The following SNX29 variants were observed in gnomAD, a reference collection of about 807,000 sequenced individuals.
SNX29 encodes the protein sorting nexin 29.
In SNX29, 78 loss-of-function variants were observed where a neutral mutation model predicts 102.1. That is an observed-to-expected ratio of 0.76 (90% CI 0.64 to 0.92). The LOEUF (loss-of-function observed/expected upper bound fraction) is 0.92, where lower values mean the gene tolerates loss of function less well. Ranked by LOEUF, SNX29 falls within the 40% of genes least tolerant of loss-of-function variation. The probability of loss-of-function intolerance (pLI) is 0.00; values close to 1 mark genes in which losing one functional copy is unlikely to be tolerated. For synonymous variants in SNX29, 580 were observed against 414.5 expected (o/e 1.40, Z -4.85); for missense variants, 1,280 against 1,061.7 (o/e 1.21, Z -2.86).
Position 12,323,639 on chromosome 16 carries a change from C to T in SNX29, c.1783-32524C>T, listed in dbSNP as rs563887095. On this transcript the variant is annotated intron_variant, in intron 15 of 20. Transcript: ENST00000566228. Reference sequence around the variant, plus strand: ...TCTGGCATCCAGCATTGTTCACTGTCGTATCCAGGCACCACAGAAAACCAT... The same window carrying T: ...TCTGGCATCCAGCATTGTTCACTGTTGTATCCAGGCACCACAGAAAACCAT... 1.9e-3 allele frequency among the ~76,000 whole-genome samples: 283 copies of T among 152,240 alleles called. 1 individual carries two copies. Among genetic ancestry groups the T allele is most frequent in the African/African-American group, 6.5e-3 (268 of 41,550 alleles).
intron 13 of SNX29, among the ~76,000 whole-genome samples, chr16:12,188,708 G>A (rs1468892750): frequency 6.6e-6 from 1 of 152,122 alleles, no homozygotes; most frequent in Non-Finnish European, 1.5e-5. Context: ...GATGGTTACG[G>A]GGGAGAGAGC....
chr16:12,124,681 G>A (rs936998774), intron 11 of SNX29, among the ~76,000 whole-genome samples: 1 of 152,152 alleles, frequency 6.6e-6, no homozygotes, highest in African/African-American at 2.4e-5. Flanking sequence ...CTTCCTAAAT[G>A]GTTCCTTGCT....
At chr16:12,408,616 T>C (rs893938821) in intron 18 of SNX29, among the ~76,000 whole-genome samples, 1 of 151,346 alleles carries the variant, frequency 6.6e-6, no homozygotes, top group African/African-American at 2.4e-5. Context: ...AGGTCAGGAG[T>C]TCAAGACCAG....
intron 15 of SNX29, among the ~76,000 whole-genome samples, chr16:12,346,329 A>G (rs1170591438): frequency 6.6e-6 from 1 of 152,130 alleles, no homozygotes; most frequent in Non-Finnish European, 1.5e-5. Context: ...GGTAATTAAC[A>G]TTTATGGAGT....
intron 15 of SNX29, among the ~76,000 whole-genome samples, chr16:12,350,702 G>A (rs182140792): frequency 1.3e-3 from 198 of 152,314 alleles, no homozygotes; most frequent in East Asian, 8.9e-3. Context: ...CCCAACTGCC[G>A]TTCAAAGCTG....
chr16:12,177,865 A>AT (rs912599367), intron 13 of SNX29, among the ~76,000 whole-genome samples: 11 of 152,176 alleles, frequency 7.2e-5, no homozygotes, highest in African/African-American at 2.7e-4. Flanking sequence ...ATCAGATGAA[A>AT]TTCCCCCTGC....
intron 16 of SNX29, among the ~76,000 whole-genome samples, chr16:12,370,644 G>T (rs968031876): frequency 6.6e-6 from 1 of 152,222 alleles, no homozygotes; most frequent in African/African-American, 2.4e-5. Context: ...GCACTGAGCA[G>T]CACCAAGGGC....
At chr16:12,549,887 A>G (rs562465242) in intron 20 of SNX29, among the ~76,000 whole-genome samples, 12 of 152,400 alleles carry the variant, frequency 7.9e-5, no homozygotes, top group African/African-American at 2.6e-4. Context: ...AGACTAGAAC[A>G]GAGATCAGAA....
chr16:12,118,313 C>CT (rs869186902), intron 11 of SNX29, among the ~76,000 whole-genome samples: 1,199 of 86,060 alleles, frequency 0.014, 86 homozygotes, highest in Non-Finnish European at 0.017. Flanking sequence ...TACAGACCAC[C>CT]TTTTTTTTTT....
chr16:12,533,975 C>T (rs1287013044), intron 20 of SNX29, among the ~76,000 whole-genome samples: 2 of 152,212 alleles, frequency 1.3e-5, no homozygotes, highest in Non-Finnish European at 2.9e-5. Context: ...CATCTGTGGG[C>T]CACATGGGGT....
At position 12,069,112 on chromosome 16, in the gene SNX29, A is replaced by T. The variant is rs1641843; in HGVS notation, c.1299A>T (p.Pro433=). 4 of 1,613,026 alleles carry T rather than the reference A, an allele frequency of 2.5e-6. No individual in the cohort carries two copies. The highest frequency in any genetic ancestry group is 3.4e-6 in the Non-Finnish European group (4 of 1,179,354). ...CAGGACCAGAGGACCACGTTCTCCC[A>T]GATCCTGGACTTCGGTACAGGTTAA... ...NGTGPEDHVL[P]DPGLRYSVEA... Residue 433 remains proline (P), a synonymous_variant, in exon 10 of 21, where the codon CCA becomes CCT. Transcript: ENST00000566228.
intron 14 of SNX29, among the ~76,000 whole-genome samples, chr16:12,208,654 G>A (rs928977593): frequency 1.3e-5 from 2 of 151,976 alleles, no homozygotes; most frequent in Non-Finnish European, 2.9e-5. Flanking sequence ...TCTGGATGAC[G>A]GAGCAAGAGG....
chr16:12,574,053 A>G lies in SNX29; in HGVS notation c.*5424A>G, dbSNP rs556070144. ...CTAGAGTCTGATAGTCTGTGTGTAC[A>G]TAAGGTCTAGAAGTCTGTGGAAACG... On this transcript the variant is annotated 3_prime_UTR_variant, in exon 21 of 21. Transcript: ENST00000566228. 2.1e-5 allele frequency: 4 copies of G among 193,390 alleles called. No homozygotes were observed. The highest frequency in any genetic ancestry group is 6.1e-5 in the Admixed American group (1 of 16,380). The allele number at this position is 193,390 out of a possible 1,614,324, so 12.0% of individuals were successfully genotyped here.
At chr16:12,343,470 C>T (rs920832660) in intron 15 of SNX29, among the ~76,000 whole-genome samples, 1 of 152,184 alleles carries the variant, frequency 6.6e-6, no homozygotes, top group Non-Finnish European at 1.5e-5. Flanking sequence ...GATGGAGCCC[C>T]ACTTTATAGC....
At chr16:12,567,459 C>A (rs981047841) in intron 20 of SNX29, among the ~76,000 whole-genome samples, 2 of 152,160 alleles carry the variant, frequency 1.3e-5, no homozygotes, top group Non-Finnish European at 2.9e-5. Context: ...ATTTATGTGT[C>A]CCCTTATCTA....
chr16:12,245,328 C>T (rs920439426), intron 14 of SNX29, among the ~76,000 whole-genome samples: 3 of 152,016 alleles, frequency 2.0e-5, no homozygotes, highest in African/African-American at 4.8e-5. Context: ...TGAGGTGTTA[C>T]GTACATGATC....
At chr16:12,532,755 C>G (rs2076965905) in intron 20 of SNX29, among the ~76,000 whole-genome samples, 2 of 152,092 alleles carry the variant, frequency 1.3e-5, no homozygotes, top group African/African-American at 4.8e-5. Flanking sequence ...AAGCTGGGGA[C>G]AGGGCAGGAG....
At chr16:12,049,757 G>A (rs2050230899) in intron 7 of SNX29, among the ~76,000 whole-genome samples, 2 of 152,034 alleles carry the variant, frequency 1.3e-5, no homozygotes, top group South Asian at 4.2e-4. Context: ...TGTTACTACA[G>A]CAAAATTGGA....
intron 19 of SNX29, among the ~76,000 whole-genome samples, chr16:12,519,835 C>T (rs774497725): frequency 6.6e-6 from 1 of 152,034 alleles, no homozygotes; most frequent in East Asian, 1.9e-4. Flanking sequence ...TGGCGAAACC[C>T]TGTCTCTGTT....
Sources: allele counts gnomAD v4.1 joint callset (sites outside exome capture counted in the v4.1 genomes callset), GRCh38; gene constraint gnomAD v4.1.1; transcripts MANE v1.5; gene names NCBI Gene and HGNC (gene_info 2026-07-23, HGNC 2026-07-21).